HECTD4: variants seen among roughly 807,000 people sequenced by gnomAD.
HECTD4 encodes the protein probable E3 ubiquitin-protein ligase HECTD4.
Under a neutral mutation model 471.5 loss-of-function variants are expected in HECTD4, and 114 were observed. The observed-to-expected ratio is 0.24, with a 90% CI of 0.21 to 0.28. The LOEUF is 0.28. HECTD4 is among the 10% of genes least tolerant of loss of function. HECTD4 has a pLI of 1.00. For synonymous variants in HECTD4, 2,012 were observed against 2,256.0 expected (o/e 0.89, Z 3.07); for missense variants, 3,866 against 5,651.5 (o/e 0.68, Z 10.13).
intron 66 of HECTD4, among the ~76,000 whole-genome samples, chr12:112,174,336 C>T (rs915157791): frequency 1.3e-5 from 2 of 150,016 alleles, no homozygotes; most frequent in African/African-American, 4.9e-5. Context: ...GCAGTCTTGG[C>T]TCACTGCAAC....
intron 48 of HECTD4, among the ~76,000 whole-genome samples, chr12:112,214,043 A>C (rs997596507): frequency 6.6e-6 from 1 of 152,112 alleles, no homozygotes; most frequent in African/African-American, 2.4e-5. Flanking sequence ...AAAAGAAAAA[A>C]AATACATATA....
intron 1 of HECTD4, among the ~76,000 whole-genome samples, chr12:112,338,925 A>G (rs951835635): frequency 6.6e-6 from 1 of 152,140 alleles, no homozygotes; most frequent in African/African-American, 2.4e-5. Context: ...ATACGCCCCT[A>G]TGACCCAAAC....
intron 1 of HECTD4, among the ~76,000 whole-genome samples, chr12:112,342,865 C>T (rs571715571): frequency 5.3e-5 from 8 of 152,224 alleles, no homozygotes; most frequent in Middle Eastern, 3.4e-3. Context: ...AAATCCTTTC[C>T]CTAGTAAGCA....
chr12:112,345,392 A>C lies in HECTD4; in HGVS notation c.178-25650T>G, dbSNP rs556835064. On this transcript the variant is annotated intron_variant, in intron 1 of 75. Transcript: ENST00000682272. ...ACTCCTGTCTACAAAAACAAACAAA[A>C]CCAACCAACCAAACAAGCAAACCTT... Among the ~76,000 whole-genome samples the C allele has an allele frequency of 1.7e-4, 26 of 152,296 alleles. No homozygotes were observed. In the South Asian group the frequency reaches 5.0e-3, roughly 29 times the overall value.
chr12:112,331,228 G>A (rs1419757853), intron 1 of HECTD4, among the ~76,000 whole-genome samples: 7 of 151,996 alleles, frequency 4.6e-5, no homozygotes, highest in East Asian at 1.9e-4. Context: ...GTGCCACCAC[G>A]CCCAGCTATT....
rs555789064 is a variant in HECTD4 at position 112,184,298 on chromosome 12, C to A, written c.10668G>T (p.Leu3556=). The change falls in exon 61 of 76, where the codon CTG becomes CTT. Residue 3556 remains leucine (L), a synonymous_variant. Coordinates refer to ENST00000682272, the MANE Select transcript of HECTD4 (RefSeq NM_001388303.1). The surrounding 1 kb of genome is among the most constrained non-coding windows in gnomAD (Gnocchi z 9.1). ...LGSLGSLGEP[L]DNAETASVSD... The stretch of plus-strand genomic sequence containing the variant: ...ACACCGAGGCCGTCTCTGCATTGTC[C>A]AGGGGCTCCCCCAGGCTGCCCAGGC... The A allele has an allele frequency of 1.2e-6, 2 of 1,613,562 alleles. No individual in the cohort carries two copies. Among genetic ancestry groups the A allele is most frequent in the African/African-American group, 2.7e-5 (2 of 75,046 alleles).
rs61738541 is a variant in HECTD4 at position 112,179,389 on chromosome 12, G to A, written c.10996C>T (p.Leu3666=). 1 of 1,610,708 alleles carries A rather than the reference G, an allele frequency of 6.2e-7. No individual in the cohort carries two copies. The highest frequency in any genetic ancestry group is 8.5e-7 in the Non-Finnish European group (1 of 1,178,572). ...FNDKSIKGEK[L]VPGAREVLTE... ...AGAACCTCTCTGGCTCCGGGCACCA[G>A]CTTCTCCCCTGTTGGATGGAGAGGG... The change falls in exon 63 of 76, where the codon CTG becomes TTG. Residue 3666 remains leucine (L), a synonymous_variant. Transcript: ENST00000682272. This position sits in a 1 kb window ranked among gnomAD's most constrained non-coding sequence, Gnocchi z 4.3.
At chr12:112,220,090 AG>A (rs1253932202) in intron 44 of HECTD4, among the ~76,000 whole-genome samples, 1 of 152,184 alleles carries the variant, frequency 6.6e-6, no homozygotes, top group African/African-American at 2.4e-5. Context: ...TGTGTCTCAC[AG>A]GGCTGTTGTG....
Position 112,167,533 on chromosome 12 carries a change from C to A in HECTD4, c.12318G>T (p.Lys4106Asn). 1 of 1,579,548 alleles carries A rather than the reference C, an allele frequency of 6.3e-7. No homozygotes were observed. Among genetic ancestry groups the A allele is most frequent in the Non-Finnish European group, 8.6e-7 (1 of 1,160,332 alleles). Residue 4106 changes from lysine to asparagine, a missense_variant, in exon 72 of 76, where the codon AAG becomes AAT. Lys to Asn is a moderately conservative substitution (Grantham distance 94). Coordinates refer to ENST00000682272, the MANE Select transcript of HECTD4 (RefSeq NM_001388303.1). ...TGATGGGGCTCGGGGTCAGGATATACTTGCCCTGGAAGTGGAGGTGGGCAT... is the reference window on the plus strand; with the variant it reads ...TGATGGGGCTCGGGGTCAGGATATAATTGCCCTGGAAGTGGAGGTGGGCAT... ...PSSAVNKNKG[K>N]YILTPSPITY...
At position 112,244,399 on chromosome 12, in the gene HECTD4, C is replaced by T. The variant is rs140978154; in HGVS notation, c.4514-390G>A. Among the ~76,000 whole-genome samples, 39 of 152,136 alleles carry T rather than the reference C, an allele frequency of 2.6e-4. No individual in the cohort carries two copies. In the East Asian group the frequency reaches 4.8e-3, roughly 19 times the overall value. On this transcript the variant is annotated intron_variant, in intron 29 of 75. Transcript: ENST00000682272. ...TTTCTTATTTTTTTAAGATGGGTCTCGCTCTGTCACCCAGGATGCAGTGCA... is the reference window on the plus strand; with the variant it reads ...TTTCTTATTTTTTTAAGATGGGTCTTGCTCTGTCACCCAGGATGCAGTGCA...
intron 7 of HECTD4, among the ~76,000 whole-genome samples, chr12:112,295,810 A>ATAT (rs111334257): frequency 4.2e-5 from 6 of 141,812 alleles, no homozygotes; most frequent in African/African-American, 1.1e-4. Context: ...TTAAAAAAAA[A>ATAT]ATATATATAT....
rs531347719 is a variant in HECTD4 at position 112,204,246 on chromosome 12, A to G, written c.8269+240T>C. On this transcript the variant is annotated intron_variant, in intron 53 of 75. Transcript: ENST00000682272. ...TTAGTAGAGATGGAGCCCAGGCCCT[A>G]CCTCTTTTCTTGTGCAGCTGCCTGC... is the stretch of plus-strand genomic sequence containing the variant. Among the ~76,000 whole-genome samples the G allele has an allele frequency of 4.3e-4, 66 of 152,192 alleles. 1 individual carries two copies. In the South Asian group the frequency reaches 0.013, roughly 29 times the overall value.
intron 1 of HECTD4, among the ~76,000 whole-genome samples, chr12:112,348,562 A>G (rs1397427226): frequency 6.6e-6 from 1 of 152,164 alleles, no homozygotes; most frequent in African/African-American, 2.4e-5. Context: ...ATTTGAGACC[A>G]GCCTAGCAAC....
At chr12:112,268,868 GTTTT>G (rs561805261) in intron 13 of HECTD4, among the ~76,000 whole-genome samples, 648 of 65,762 alleles carry the variant, frequency 9.9e-3, no homozygotes, top group African/African-American at 0.043. Context: ...GTCTGAAAAG[GTTTT>G]TTTTTTTTTT....
intron 54 of HECTD4, among the ~76,000 whole-genome samples, chr12:112,202,010 A>G (rs2032442561): frequency 6.6e-6 from 1 of 152,194 alleles, no homozygotes; most frequent in African/African-American, 2.4e-5. Context: ...ACACATTTCT[A>G]TTGCTCAAAA....
At position 112,247,977 on chromosome 12, in the gene HECTD4, T is replaced by TACACAC. The variant is rs59881558; in HGVS notation, c.4248+84_4248+89dup. 825 of 677,624 alleles carry TACACAC rather than the reference T, an allele frequency of 1.2e-3. 6 individuals carry two copies. The highest frequency in any genetic ancestry group is 9.7e-3 in the African/African-American group (518 of 53,226). 42.0% of individuals were successfully genotyped at this position (677,624 alleles called of 1,614,324 possible). A position where few individuals can be genotyped will look rare whatever the true frequency, so the allele number is the denominator to read the frequency against. Reference sequence around the variant, plus strand: ...TTTTAGGAAATGACATTATTTTACCTACACACACACACACACACACACACA... The same window carrying TACACAC: ...TTTTAGGAAATGACATTATTTTACCTACACACACACACACACACACACACACACACA... On this transcript the variant is annotated intron_variant, in intron 27 of 75. Transcript: ENST00000682272.
intron 7 of HECTD4, among the ~76,000 whole-genome samples, chr12:112,287,574 T>C (rs1362416343): frequency 6.6e-6 from 1 of 152,034 alleles, no homozygotes; most frequent in Non-Finnish European, 1.5e-5. Context: ...GCAGAAGACC[T>C]CTCAGAACAA....
At chr12:112,207,079 GA>G (rs958350256) in intron 52 of HECTD4, among the ~76,000 whole-genome samples, 6 of 151,722 alleles carry the variant, frequency 4.0e-5, no homozygotes, top group African/African-American at 1.5e-4. Flanking sequence ...GTGGGTATGA[GA>G]AAAAAAATAC....
chr12:112,232,385 G>A (rs1215689045), intron 38 of HECTD4, among the ~76,000 whole-genome samples: 1 of 152,138 alleles, frequency 6.6e-6, no homozygotes, highest in Non-Finnish European at 1.5e-5. Flanking sequence ...CTGCCTTGGT[G>A]TCTCAAAGTG....
Sources: gnomAD v4.1 joint callset for allele counts (sites outside exome capture counted in the v4.1 genomes callset) on GRCh38, gnomAD v4.1.1 for gene constraint, Gnocchi (gnomAD v3.1) non-coding constraint, MANE v1.5 for transcripts, NCBI Gene and HGNC (gene_info 2026-07-23, HGNC 2026-07-21) for gene names.